RANBP17: variants seen among roughly 807,000 people sequenced by gnomAD.
The protein encoded by RANBP17 is ran-binding protein 17.
RANBP17 carries 158 observed loss-of-function variants against 141.2 expected under a neutral mutation model. The ratio of observed to expected loss-of-function variants is 1.12; its 90% CI spans 0.98 to 1.28. The LOEUF (loss-of-function observed/expected upper bound fraction) is 1.28. RANBP17 is among the 50% of genes most tolerant of loss of function. The probability of loss-of-function intolerance (pLI) is 0.00; values close to 1 mark genes in which losing one functional copy is unlikely to be tolerated. For missense variants in RANBP17, 1,438 were observed against 1,290.7 expected, an observed-to-expected ratio of 1.11 and a Z score of -1.75; for synonymous variants, 430 against 450.0, an observed-to-expected ratio of 0.96 and a Z score of 0.56.
At chr5:171,226,732 G>C (rs1763904684) in intron 22 of RANBP17, among the ~76,000 whole-genome samples, 2 of 152,156 alleles carry the variant, frequency 1.3e-5, no homozygotes, top group Admixed American at 6.5e-5. Flanking sequence ...AGTTACACTA[G>C]ACTTGTTCGT....
chr5:170,920,550 A>G (rs1171914003), intron 11 of RANBP17, among the ~76,000 whole-genome samples: 1 of 145,960 alleles, frequency 6.9e-6, no homozygotes, highest in Non-Finnish European at 1.5e-5. Flanking sequence ...CAGTCTGTGT[A>G]TTTTCTTCAC....
chr5:171,063,832 G>A lies in RANBP17; in HGVS notation c.1710+95455G>A, dbSNP rs941783035. Among the ~76,000 whole-genome samples, 9 of 152,206 alleles carry A rather than the reference G, an allele frequency of 5.9e-5. No individual in the cohort carries two copies. The East Asian group carries it at 1.2e-3, about 20-fold the overall frequency. ...GGGCTCCACCCAGTTCGAGCTTCCCGGCTGCTTTGTTTACCTAGCGAGCCT... is the reference window on the plus strand; with the variant it reads ...GGGCTCCACCCAGTTCGAGCTTCCCAGCTGCTTTGTTTACCTAGCGAGCCT... On this transcript the variant is annotated intron_variant, in intron 14 of 27. Coordinates refer to ENST00000523189, the MANE Select transcript of RANBP17 (RefSeq NM_022897.5).
intron 14 of RANBP17, among the ~76,000 whole-genome samples, chr5:171,064,740 C>T (rs535494812): frequency 7.2e-5 from 11 of 151,922 alleles, no homozygotes; most frequent in African/African-American, 2.4e-4. Flanking sequence ...AGGCTGGTGT[C>T]GAACTCTTGA....
At chr5:170,863,394 C>T (rs1766981114) in intron 1 of RANBP17, 1 of 151,834 alleles carries the variant, frequency 6.6e-6, no homozygotes. Context: ...TGTGATCACA[C>T]TGATTTATAA....
intron 24 of RANBP17, chr5:171,252,332 A>G (rs188024633): frequency 2.6e-6 from 4 of 1,540,972 alleles, no homozygotes; most frequent in East Asian, 4.5e-5. Context: ...CGGGTTCATG[A>G]GATTTTTCAG....
rs1561908138 is a variant in RANBP17, at chr5:170,935,903, C to T, written c.1468+11353C>T. ...GCCCTGCCCCTAGAGGTGGAGTCTACAGAGGCAGGCAGGCCTCCTTGAGCT... is the reference window on the plus strand; with the variant it reads ...GCCCTGCCCCTAGAGGTGGAGTCTATAGAGGCAGGCAGGCCTCCTTGAGCT... On this transcript the variant is annotated intron_variant, in intron 12 of 27. Coordinates refer to ENST00000523189, the MANE Select transcript of RANBP17 (RefSeq NM_022897.5). Among the ~76,000 whole-genome samples the T allele has an allele frequency of 3.9e-5, 6 of 152,218 alleles. No homozygotes were observed. In the South Asian group the frequency reaches 1.2e-3, roughly 32 times the overall value.
At chr5:170,945,479 G>A (rs1774676847) in intron 12 of RANBP17, among the ~76,000 whole-genome samples, 1 of 152,140 alleles carries the variant, frequency 6.6e-6, no homozygotes. Flanking sequence ...GTTGGTGCTT[G>A]TCACAACTCT....
At chr5:170,871,482 T>G (rs1767722804) in intron 1 of RANBP17, among the ~76,000 whole-genome samples, 1 of 152,236 alleles carries the variant, frequency 6.6e-6, no homozygotes, top group African/African-American at 2.4e-5. Flanking sequence ...GATTGCCTGT[T>G]CCCTCTGATG....
intron 25 of RANBP17, among the ~76,000 whole-genome samples, chr5:171,280,342 A>G (rs1348892984): frequency 2.0e-5 from 3 of 152,102 alleles, no homozygotes; most frequent in Admixed American, 1.3e-4. Flanking sequence ...CAGTGGCACA[A>G]TCTCAGCTCA....
At chr5:171,062,847 CT>C (rs1300775655) in intron 14 of RANBP17, among the ~76,000 whole-genome samples, 13 of 152,126 alleles carry the variant, frequency 8.5e-5, no homozygotes, top group Admixed American at 2.0e-4. Context: ...TTCTTGGAGG[CT>C]TTGTTCGTTT....
chr5:170,891,195 T>C (rs1169536941), intron 3 of RANBP17, among the ~76,000 whole-genome samples: 1 of 152,198 alleles, frequency 6.6e-6, no homozygotes, highest in Non-Finnish European at 1.5e-5. Flanking sequence ...CAGTGACATA[T>C]TTAGAAAAAG....
intron 21 of RANBP17, among the ~76,000 whole-genome samples, chr5:171,216,032 G>A (rs113780142): frequency 0.034 from 5,159 of 152,162 alleles, 273 homozygotes; most frequent in African/African-American, 0.11. Flanking sequence ...GATTTTTATG[G>A]TTTTGGTTTT....
intron 25 of RANBP17, among the ~76,000 whole-genome samples, chr5:171,268,573 C>G (rs1243975267): frequency 6.6e-6 from 1 of 151,994 alleles, no homozygotes; most frequent in African/African-American, 2.4e-5. Flanking sequence ...GCAGTAACCA[C>G]TGGTACTGGT....
At chr5:171,148,810 T>A (rs906926597) in intron 14 of RANBP17, among the ~76,000 whole-genome samples, 1 of 152,226 alleles carries the variant, frequency 6.6e-6, no homozygotes, top group Non-Finnish European at 1.5e-5. Flanking sequence ...TGGTGTGATA[T>A]TAATGTGATT....
intron 14 of RANBP17, among the ~76,000 whole-genome samples, chr5:171,052,281 T>C (rs551874833): frequency 6.6e-6 from 1 of 152,338 alleles, no homozygotes; most frequent in South Asian, 2.1e-4. Context: ...ATCTATTCTT[T>C]GGTTGCTTGT....
chr5:171,191,233 TAGAA>T (rs899206721), intron 18 of RANBP17, among the ~76,000 whole-genome samples: 48 of 152,308 alleles, frequency 3.2e-4, no homozygotes, highest in African/African-American at 1.1e-3. Context: ...CTACTAAAGA[TAGAA>T]ATAAAAACAC....
At chr5:170,883,584 C>T (rs552994898) in intron 3 of RANBP17, among the ~76,000 whole-genome samples, 114 of 152,262 alleles carry the variant, frequency 7.5e-4, no homozygotes, top group Non-Finnish European at 1.4e-3. Context: ...ACTAAAAATT[C>T]GCTCTTCTCT....
At chr5:171,192,331 A>T (rs573685160) in intron 18 of RANBP17, among the ~76,000 whole-genome samples, 19 of 152,330 alleles carry the variant, frequency 1.2e-4, no homozygotes, top group African/African-American at 4.6e-4. Flanking sequence ...GGCAGAAAGC[A>T]GCCCATTAAG....
chr5:171,096,259 TAC>T (rs1275052219), intron 14 of RANBP17, among the ~76,000 whole-genome samples: 9 of 152,230 alleles, frequency 5.9e-5, no homozygotes, highest in Admixed American at 5.2e-4. Context: ...AAGCATTATA[TAC>T]TTCATGATTT....
Sources: allele counts gnomAD v4.1 joint callset (sites outside exome capture counted in the v4.1 genomes callset), GRCh38; gene constraint gnomAD v4.1.1; transcripts MANE v1.5; gene names NCBI Gene and HGNC (gene_info 2026-07-23, HGNC 2026-07-21).